Variants in CCDC38 observed in about 807,000 individuals in gnomAD.
CCDC38 encodes the protein coiled-coil domain-containing protein 38.
CCDC38 carries 69 observed loss-of-function variants against 72.8 expected under a neutral mutation model. The observed-to-expected ratio is 0.95, with a 90% CI of 0.78 to 1.16. The LOEUF (loss-of-function observed/expected upper bound fraction) is 1.16, where lower values mean the gene tolerates loss of function less well. Ranked by LOEUF, CCDC38 falls within the 50% of genes most tolerant of loss-of-function variation. The pLI is 0.00. For synonymous variants in CCDC38, 201 were observed against 213.2 expected (o/e 0.94, Z 0.50); for missense variants, 626 against 638.9 (o/e 0.98, Z 0.22).
chr12:95,899,961 T>A (rs1052088322), intron 5 of CCDC38, among the ~76,000 whole-genome samples: 3 of 151,786 alleles, frequency 2.0e-5, no homozygotes, highest in African/African-American at 7.3e-5. Context: ...CCAAGGAAAG[T>A]CTCCCTGATG....
chr12:95,869,362 A>G, intron 15 of CCDC38, 118 bp downstream of exon 15: 1 of 721,216 alleles, frequency 1.4e-6, no homozygotes, highest in Admixed American at 2.9e-5. Context: ...TGTAGCTGTG[A>G]GCAAGAAAGA....
chr12:95,880,492 A>G (rs1190593076), intron 11 of CCDC38, among the ~76,000 whole-genome samples: 2 of 152,182 alleles, frequency 1.3e-5, no homozygotes, highest in Admixed American at 6.5e-5. Flanking sequence ...CGACTCTACT[A>G]GAAATACAAA....
chr12:95,871,541 A>G (rs1592751060), intron 14 of CCDC38, among the ~76,000 whole-genome samples: 1 of 152,170 alleles, frequency 6.6e-6, no homozygotes, highest in East Asian at 1.9e-4. Context: ...AAGTGAACGC[A>G]TTCTGAAAGG....
chr12:95,893,181 ATCTT>A (rs1231878227), intron 8 of CCDC38, among the ~76,000 whole-genome samples: 2 of 152,196 alleles, frequency 1.3e-5, no homozygotes, highest in East Asian at 3.8e-4. Context: ...TACAATATCA[ATCTT>A]TCTATCTGAA....
chr12:95,912,681 A>C (rs1166824178), intron 4 of CCDC38, among the ~76,000 whole-genome samples: 1 of 152,244 alleles, frequency 6.6e-6, no homozygotes, highest in Non-Finnish European at 1.5e-5. Flanking sequence ...CTCCGATTTG[A>C]TTATGGCACA....
At position 95,906,470 on chromosome 12, in the gene CCDC38, T is replaced by C. The variant is rs2080002264; in HGVS notation, c.305-19A>G. 2 of 1,578,116 alleles carry C rather than the reference T, an allele frequency of 1.3e-6. No individual in the cohort carries two copies. The highest frequency in any genetic ancestry group is 8.7e-7 in the Non-Finnish European group (1 of 1,149,192). On this transcript the variant is annotated intron_variant, in intron 4 of 15. Coordinates refer to ENST00000344280, the MANE Select transcript of CCDC38 (RefSeq NM_182496.3). The stretch of plus-strand genomic sequence containing the variant: ...TCGGAACCTGTGAAGAAAGTTGAAA[T>C]AGACTTAAGTTTAGTTCATCATCCT...
intron 2 of CCDC38, among the ~76,000 whole-genome samples, chr12:95,926,903 G>A (rs887415045): frequency 6.6e-6 from 1 of 151,880 alleles, no homozygotes; most frequent in Non-Finnish European, 1.5e-5. Flanking sequence ...TGTGGTCTGA[G>A]AGATAGTTTG....
chr12:95,940,642 C>G (rs2080439697), intron 1 of CCDC38, among the ~76,000 whole-genome samples: 1 of 152,034 alleles, frequency 6.6e-6, no homozygotes, highest in African/African-American at 2.4e-5. Context: ...TGAACTGTGT[C>G]CTTGGATGGT....
At chr12:95,924,722 G>T (rs372241986) in intron 2 of CCDC38, among the ~76,000 whole-genome samples, 1 of 150,986 alleles carries the variant, frequency 6.6e-6, no homozygotes, top group African/African-American at 2.4e-5. Flanking sequence ...TTGTATAAGG[G>T]GTAAGGAAGG....
rs1204327544 is a variant in CCDC38 at position 95,890,859 on chromosome 12, C to A, written c.844G>T (p.Asp282Tyr). Reference protein sequence around the residue: ...ESGRTAVLSEDASQGRDSQGK... With the variant: ...ESGRTAVLSEYASQGRDSQGK... ...TGGCTGTCTCTTCCCTGAGAAGCATCTTCTGAAAGGACAGCTGTCCTCCCG... is the reference window on the plus strand; with the variant it reads ...TGGCTGTCTCTTCCCTGAGAAGCATATTCTGAAAGGACAGCTGTCCTCCCG... Residue 282 changes from aspartate (D) to tyrosine (Y), a missense_variant, in exon 9 of 16, where the codon GAT (aspartate) becomes TAT (tyrosine). Asp to Tyr is a radical substitution (Grantham distance 160). Transcript: ENST00000344280. 1.2e-6 allele frequency: 2 copies of A among 1,606,082 alleles called. No individual in the cohort carries two copies. The highest frequency in any genetic ancestry group is 1.7e-6 in the Non-Finnish European group (2 of 1,174,410).
chr12:95,893,278 A>G (rs1331537058), intron 8 of CCDC38, among the ~76,000 whole-genome samples: 1 of 151,604 alleles, frequency 6.6e-6, no homozygotes, highest in Admixed American at 6.6e-5. Flanking sequence ...TAATTTCCTC[A>G]TATATTTTCT....
At chr12:95,882,718 T>A (rs2079714952) in intron 10 of CCDC38, among the ~76,000 whole-genome samples, 1 of 152,202 alleles carries the variant, frequency 6.6e-6, no homozygotes, top group Non-Finnish European at 1.5e-5. Flanking sequence ...TCAGTCTTCT[T>A]CCCTTCTCCT....
chr12:95,925,742 T>C (rs995910993), intron 2 of CCDC38, among the ~76,000 whole-genome samples: 15 of 152,116 alleles, frequency 9.9e-5, no homozygotes, highest in African/African-American at 2.7e-4. Flanking sequence ...TGAGAGTTTT[T>C]AGCCTGAAGG....
intron 2 of CCDC38, among the ~76,000 whole-genome samples, chr12:95,929,546 G>A (rs553178658): frequency 6.4e-4 from 98 of 152,176 alleles, no homozygotes; most frequent in African/African-American, 2.3e-3. Flanking sequence ...GTTCCTATTC[G>A]GCCATCTTGG....
At chr12:95,915,414 TG>T (rs1247703683) in intron 4 of CCDC38, among the ~76,000 whole-genome samples, 1 of 152,200 alleles carries the variant, frequency 6.6e-6, no homozygotes, top group African/African-American at 2.4e-5. Flanking sequence ...AGAGTCAGGC[TG>T]CTCGCTGTGC....
Position 95,888,486 on chromosome 12 carries a change from T to G in CCDC38, c.892A>C (p.Thr298Pro). 6.2e-7 allele frequency: 1 copy of G among 1,613,954 alleles called. No individual in the cohort carries two copies. Among genetic ancestry groups the G allele is most frequent in the Non-Finnish European group, 8.5e-7 (1 of 1,179,980 alleles). ...DSQGKPSRSL[T>P]RTPEKKKSNL... ...GATTTCTTTTTCTCTGGAGTGCGAG[T>G]CAGGCTTCTGCTTGGCTTTCCTGTT... Residue 298 changes from threonine (T) to proline (P), a missense_variant, in exon 10 of 16, where the codon ACT (threonine) becomes CCT (proline). Coordinates refer to ENST00000344280, the MANE Select transcript of CCDC38 (RefSeq NM_182496.3).
At chr12:95,937,536 T>C (rs2080406222) in intron 1 of CCDC38, among the ~76,000 whole-genome samples, 1 of 152,148 alleles carries the variant, frequency 6.6e-6, no homozygotes, top group South Asian at 2.1e-4. Flanking sequence ...AAAGATATAT[T>C]CATTTTGGGG....
intron 7 of CCDC38, 50 bp downstream of exon 7, chr12:95,898,335 T>C (rs767060321): frequency 1.8e-5 from 28 of 1,572,514 alleles, no homozygotes; most frequent in Non-Finnish European, 2.4e-5. Context: ...ATGAATAGGT[T>C]TTAATGGGTC....
intron 10 of CCDC38, among the ~76,000 whole-genome samples, chr12:95,882,633 G>C (rs1354709027): frequency 6.6e-6 from 1 of 152,034 alleles, no homozygotes; most frequent in Non-Finnish European, 1.5e-5. Context: ...CTCTGCTCTT[G>C]GGTTGAGCAA....
Sources: gnomAD v4.1 joint callset for allele counts (sites outside exome capture counted in the v4.1 genomes callset) on GRCh38, gnomAD v4.1.1 for gene constraint, MANE v1.5 for transcripts, NCBI Gene and HGNC (gene_info 2026-07-23, HGNC 2026-07-21) for gene names.